MYO18A: variants seen among roughly 807,000 people sequenced by gnomAD.
The protein encoded by MYO18A is unconventional myosin-XVIIIa.
MYO18A carries 78 observed loss-of-function variants against 235.8 expected under a neutral mutation model. That is an observed-to-expected ratio of 0.33 (90% CI 0.28 to 0.40). The LOEUF is 0.40. MYO18A is among the 10% of genes least tolerant of loss of function. The pLI, the probability that MYO18A is intolerant of heterozygous loss-of-function variation, is 1.00. For missense variants in MYO18A, 2,215 were observed against 2,699.3 expected, an observed-to-expected ratio of 0.82 and a Z score of 3.98; for synonymous variants, 977 against 1,077.8, an observed-to-expected ratio of 0.91 and a Z score of 1.83.
At chr17:29,162,379 T>A (rs539950159) in intron 2 of MYO18A, among the ~76,000 whole-genome samples, 26 of 152,292 alleles carry the variant, frequency 1.7e-4, no homozygotes, top group African/African-American at 5.8e-4. Flanking sequence ...AGCTTTCCCT[T>A]CCCACACACC....
At chr17:29,088,262 G>A (rs2066308115) in intron 37 of MYO18A, among the ~76,000 whole-genome samples, 2 of 151,582 alleles carry the variant, frequency 1.3e-5, no homozygotes, top group Admixed American at 1.3e-4. Context: ...CACCGTGTTA[G>A]CCAGGATGGT....
chr17:29,098,570 T>G, intron 23 of MYO18A, 125 bp from the exon 24 acceptor site: 1 of 1,184,366 alleles, frequency 8.4e-7, no homozygotes. Flanking sequence ...GGAAGGCATG[T>G]CCCCAATAGC....
chr17:29,085,984 C>T (rs746253389), intron 39 of MYO18A, among the ~76,000 whole-genome samples: 2 of 152,228 alleles, frequency 1.3e-5, no homozygotes, highest in African/African-American at 2.4e-5. Context: ...GGTGCTACCC[C>T]GCACTGCTGG....
At chr17:29,139,194 C>A (rs1462782595) in intron 2 of MYO18A, among the ~76,000 whole-genome samples, 1 of 152,162 alleles carries the variant, frequency 6.6e-6, no homozygotes, top group African/African-American at 2.4e-5. Context: ...GCCGCAACTG[C>A]AGTTGCAGAA....
intron 2 of MYO18A, chr17:29,128,584 C>T: frequency 8.4e-7 from 1 of 1,190,576 alleles, no homozygotes; most frequent in South Asian, 1.5e-5. Context: ...AGCATCACCC[C>T]TGCAGCCCTG....
At chr17:29,084,128 C>T (rs924209438) in intron 40 of MYO18A, among the ~76,000 whole-genome samples, 23 of 152,238 alleles carry the variant, frequency 1.5e-4, no homozygotes, top group African/African-American at 3.1e-4. Flanking sequence ...TGCCATCAGC[C>T]GGAACCTGGT....
At chr17:29,128,420 G>A (rs774865205) in intron 2 of MYO18A, 29 of 1,289,272 alleles carry the variant, frequency 2.2e-5, no homozygotes, top group East Asian at 1.1e-4. Context: ...GGCAGCTCCC[G>A]GGCCGTTCAT....
Position 29,098,849 on chromosome 17 carries a change from C to T in MYO18A, c.3757G>A (p.Glu1253Lys). 6.2e-7 allele frequency: 1 copy of T among 1,614,000 alleles called. No individual in the cohort carries two copies. Among genetic ancestry groups the T allele is most frequent in the Non-Finnish European group, 8.5e-7 (1 of 1,179,872 alleles). The stretch of plus-strand genomic sequence containing the variant: ...ACGTCTTTGTTCCGGATCTGCTCCT[C>T]TGACAGCTGTACTTCGATGAGGGGC... ...VRPLIEVQLSEEQIRNKDEEI... is the reference protein window; with the variant it reads ...VRPLIEVQLSKEQIRNKDEEI... Residue 1253 changes from glutamate (E) to lysine (K), a missense_variant, in exon 23 of 42, where the codon GAG (glutamate) becomes AAG (lysine). Physicochemically the swap from Glu to Lys is moderately conservative, Grantham distance 56. Transcript: ENST00000527372.
At chr17:29,096,725 A>G (rs778829599) in intron 28 of MYO18A, 36 bp downstream of exon 28, 5 of 1,547,768 alleles carry the variant, frequency 3.2e-6, no homozygotes, top group Non-Finnish European at 4.4e-6. Context: ...GCTGCTCCAG[A>G]AGGTTCTCTG....
intron 41 of MYO18A, chr17:29,080,581 C>A (rs1233605213): frequency 9.1e-6 from 9 of 985,702 alleles, no homozygotes; most frequent in African/African-American, 3.5e-5. Context: ...GCGGCGGGAA[C>A]CGGGCGAGCC....
At chr17:29,172,295 G>C (rs140970632) in intron 1 of MYO18A, among the ~76,000 whole-genome samples, 51 of 152,190 alleles carry the variant, frequency 3.4e-4, no homozygotes, top group African/African-American at 1.2e-3. Context: ...TCAACACGGT[G>C]AAACCTTGTC....
chr17:29,134,679 C>T (rs1156594073), intron 2 of MYO18A, among the ~76,000 whole-genome samples: 2 of 151,990 alleles, frequency 1.3e-5, no homozygotes, highest in African/African-American at 4.8e-5. Context: ...CCCGCTACCA[C>T]GCCCGGCTAA....
intron 10 of MYO18A, 123 bp from the exon 11 acceptor site, chr17:29,116,578 A>G: frequency 1.0e-6 from 1 of 1,001,010 alleles, no homozygotes. Context: ...ATGAGTAGGC[A>G]AGAAAACACA....
At chr17:29,157,863 G>A (rs576714523) in intron 2 of MYO18A, among the ~76,000 whole-genome samples, 1 of 151,784 alleles carries the variant, frequency 6.6e-6, no homozygotes, top group African/African-American at 2.4e-5. Context: ...GCATAATCAC[G>A]GCTCACTGTA....
intron 2 of MYO18A, among the ~76,000 whole-genome samples, chr17:29,148,847 C>G (rs1567633064): frequency 6.6e-6 from 1 of 152,218 alleles, no homozygotes; most frequent in Non-Finnish European, 1.5e-5. Flanking sequence ...ACCCCAGCCA[C>G]TCAGCACCCT....
intron 1 of MYO18A, among the ~76,000 whole-genome samples, chr17:29,177,663 C>A (rs1043674831): frequency 6.6e-6 from 1 of 152,186 alleles, no homozygotes; most frequent in African/African-American, 2.4e-5. Flanking sequence ...CCCTACCAAT[C>A]CCAAGTCCTG....
In MYO18A at chr17:29,074,342, C is replaced by T. The variant is rs1055060818; in HGVS notation, c.*428G>A. ...AAGAAGAGAGAGCCCCCACCCCACA[C>T]GAGAGGGAAGGCACTGCTTCTCCTC... On this transcript the variant is annotated 3_prime_UTR_variant, in exon 42 of 42. Transcript: ENST00000527372. The surrounding 1 kb of genome is among the most constrained non-coding windows in gnomAD (Gnocchi z 4.4). The T allele has an allele frequency of 2.3e-5, 18 of 776,598 alleles. No homozygotes were observed. The highest frequency in any genetic ancestry group is 3.0e-5 in the Admixed American group (1 of 33,822). 48.1% of individuals were successfully genotyped at this position (776,598 alleles called of 1,614,324 possible).
Position 29,140,065 on chromosome 17 carries a change from T to A in MYO18A, c.1000-17812A>T, listed in dbSNP as rs1343015138. 1.3e-5 allele frequency among the ~76,000 whole-genome samples: 2 copies of A among 152,016 alleles called. No individual in the cohort carries two copies. Among genetic ancestry groups the A allele is most frequent in the Admixed American group, 1.3e-4 (2 of 15,278 alleles). ...TGGATGCAACCCCAGGAAACTGAGG[T>A]TCAGAAGACAGTGCCCCTCCAAAAC... is the stretch of plus-strand genomic sequence containing the variant. On this transcript the variant is annotated intron_variant, in intron 2 of 41. Transcript: ENST00000527372. This position sits in a 1 kb window ranked among gnomAD's most constrained non-coding sequence, Gnocchi z 4.2.
chr17:29,138,959 C>T (rs1482181169), intron 2 of MYO18A, among the ~76,000 whole-genome samples: 3 of 152,118 alleles, frequency 2.0e-5, no homozygotes, highest in Admixed American at 1.3e-4. Context: ...ATATGCTTTA[C>T]GTGGAACTGC....
Sources: gnomAD v4.1 joint callset for allele counts (sites outside exome capture counted in the v4.1 genomes callset) on GRCh38, gnomAD v4.1.1 for gene constraint, Gnocchi (gnomAD v3.1) non-coding constraint, MANE v1.5 for transcripts, NCBI Gene and HGNC (gene_info 2026-07-23, HGNC 2026-07-21) for gene names.